GPC3: variants seen among roughly 807,000 people sequenced by gnomAD.
GPC3 encodes glypican-3.
Under a neutral mutation model 34.4 loss-of-function variants are expected in GPC3, and 3 were observed. The ratio of observed to expected loss-of-function variants is 0.09; its 90% CI spans 0.04 to 0.23. The LOEUF (loss-of-function observed/expected upper bound fraction) is 0.23, where lower values mean the gene tolerates loss of function less well. Ranked by LOEUF, GPC3 falls within the 10% of genes least tolerant of loss-of-function variation. The probability of loss-of-function intolerance (pLI) is 1.00; values close to 1 mark genes in which losing one functional copy is unlikely to be tolerated. For synonymous variants in GPC3, 177 were observed against 174.0 expected, an observed-to-expected ratio of 1.02 and a Z score of -0.13; for missense variants, 351 against 445.6, an observed-to-expected ratio of 0.79 and a Z score of 1.91.
chrX:133,651,517 C>T (rs1195889877), intron 6 of GPC3, among the ~76,000 whole-genome samples: 4 of 111,819 alleles, frequency 3.6e-5, no homozygotes, highest in African/African-American at 9.8e-5. Flanking sequence ...GTTTGTGAAT[C>T]TACATGTAAT....
chrX:133,705,577 C>T (rs938347621), intron 3 of GPC3, among the ~76,000 whole-genome samples: 7 of 112,181 alleles, frequency 6.2e-5, no homozygotes, highest in African/African-American at 2.3e-4. Flanking sequence ...AGAGCTGAGG[C>T]TTGAATGCTG....
chrX:133,854,061 C>T (rs1216318892), intron 2 of GPC3, among the ~76,000 whole-genome samples: 1 of 111,031 alleles, frequency 9.0e-6, no homozygotes, highest in Non-Finnish European at 1.9e-5. Context: ...TCTTTTTTCC[C>T]CCATATTTCT....
chrX:133,779,758 G>A (rs1411325457), intron 2 of GPC3, among the ~76,000 whole-genome samples: 1 of 109,650 alleles, frequency 9.1e-6, no homozygotes, highest in East Asian at 2.8e-4. Flanking sequence ...AAAAACAGAA[G>A]GTGGGTCATA....
chrX:133,795,535 T>G (rs962938378), intron 2 of GPC3, among the ~76,000 whole-genome samples: 1 of 111,520 alleles, frequency 9.0e-6, no homozygotes, highest in African/African-American at 3.3e-5. Flanking sequence ...TAAGATAGAT[T>G]GTCATGAAAA....
intron 5 of GPC3, among the ~76,000 whole-genome samples, chrX:133,687,381 GA>G (rs1451304201): frequency 9.3e-5 from 8 of 86,400 alleles, no homozygotes; most frequent in Non-Finnish European, 1.6e-4. Flanking sequence ...TGAATTATCA[GA>G]GTTTTTTTTT....
At chrX:133,750,466 A>G (rs2071655158) in intron 3 of GPC3, among the ~76,000 whole-genome samples, 1 of 111,748 alleles carries the variant, frequency 8.9e-6, no homozygotes, top group African/African-American at 3.3e-5. Context: ...CCTGAACTTT[A>G]TTTCTTCCTT....
At position 133,873,723 on chromosome X, in the gene GPC3, A is replaced by T. The variant is rs775877057; in HGVS notation, c.337+79327T>A. Among the ~76,000 whole-genome samples, 4 of 111,782 alleles carry T rather than the reference A, an allele frequency of 3.6e-5. No homozygotes were observed. In the South Asian group the frequency reaches 1.5e-3, roughly 43 times the overall value. On this transcript the variant is annotated intron_variant, in intron 2 of 7. Coordinates refer to ENST00000370818, the MANE Select transcript of GPC3 (RefSeq NM_004484.4). ...AGGGTGAACTGAATTTATTCACCAA[A>T]TCCTAATACAGTAAAGATAAGGACT...
chrX:133,810,627 T>C (rs1228523225), intron 2 of GPC3, among the ~76,000 whole-genome samples: 1 of 109,551 alleles, frequency 9.1e-6, no homozygotes, highest in Non-Finnish European at 1.9e-5. Flanking sequence ...GCCTGGCGCC[T>C]GGGTGCAGTG....
intron 1 of GPC3, among the ~76,000 whole-genome samples, chrX:133,962,421 C>A (rs186819704): frequency 8.9e-6 from 1 of 112,101 alleles, no homozygotes; most frequent in Admixed American, 9.4e-5. Context: ...GAGGTAATGT[C>A]AGAATTTCAA....
chrX:133,625,730 C>T (rs1437578038), intron 6 of GPC3, among the ~76,000 whole-genome samples: 1 of 111,710 alleles, frequency 9.0e-6, no homozygotes, highest in East Asian at 2.8e-4. Flanking sequence ...GTGAAAATGG[C>T]CATACTGCCC....
chrX:133,671,770 A>G (rs1422734885), intron 5 of GPC3, among the ~76,000 whole-genome samples: 3 of 111,305 alleles, frequency 2.7e-5, no homozygotes, highest in Non-Finnish European at 5.6e-5. Flanking sequence ...CTTGTCATTT[A>G]CATTAGGTAT....
Position 133,676,642 on chromosome X carries a change from C to T in GPC3, c.1293-14792G>A, listed in dbSNP as rs183838016. 1.4e-3 allele frequency among the ~76,000 whole-genome samples: 154 copies of T among 112,369 alleles called. No homozygotes were observed. In the South Asian group the frequency reaches 0.019, roughly 14 times the overall value. ...AAGTGGCCTATTGTGTGAGGCTGTACACATGGAGGTGCTAAGCAAACAAGA... is the reference window on the plus strand; with the variant it reads ...AAGTGGCCTATTGTGTGAGGCTGTATACATGGAGGTGCTAAGCAAACAAGA... On this transcript the variant is annotated intron_variant, in intron 5 of 7. Transcript: ENST00000370818.
At chrX:133,600,970 C>T (rs1002267111) in intron 6 of GPC3, among the ~76,000 whole-genome samples, 4 of 111,946 alleles carry the variant, frequency 3.6e-5, no homozygotes, top group African/African-American at 1.3e-4. Context: ...TGTAAACGAT[C>T]ATATTAAAAC....
At chrX:133,983,774 G>A (rs1203103121) in intron 1 of GPC3, among the ~76,000 whole-genome samples, 1 of 110,931 alleles carries the variant, frequency 9.0e-6, no homozygotes, top group African/African-American at 3.3e-5. Context: ...CAGTTCTGTG[G>A]AACTGATTCA....
In GPC3 at chrX:133,753,506, C is replaced by G. The variant is rs773421934; in HGVS notation, c.1008G>C (p.Lys336Asn). Residue 336 changes from lysine (K) to asparagine (N), a missense_variant, in exon 3 of 8, where the codon AAG (lysine) becomes AAC (asparagine). By Grantham distance (94) the Lys-to-Asn change is moderately conservative. Transcript: ENST00000370818. ...CAGTGGTGGTCAGCTTTCCTGCATT[C>G]TTCTGGACATACTGGATAGAATCAT... The part of the protein sequence containing the change: ...TIHDSIQYVQ[K>N]NAGKLTTTIG... 8.3e-7 allele frequency: 1 copy of G among 1,207,882 alleles called. No homozygotes were observed. Among genetic ancestry groups the G allele is most frequent in the Admixed American group, 2.2e-5 (1 of 45,702 alleles).
At chrX:133,622,906 A>C (rs2124360556) in intron 6 of GPC3, among the ~76,000 whole-genome samples, 1 of 112,221 alleles carries the variant, frequency 8.9e-6, no homozygotes, top group East Asian at 2.8e-4. Flanking sequence ...GGGCAGCCAG[A>C]GAGAAAGGTC....
chrX:133,703,653 T>G (rs1449260147), intron 3 of GPC3, among the ~76,000 whole-genome samples: 1 of 111,026 alleles, frequency 9.0e-6, no homozygotes, highest in Non-Finnish European at 1.9e-5. Context: ...GTAGAGACAG[T>G]GTTTCACCGT....
chrX:133,644,713 A>G (rs1397095975), intron 6 of GPC3, among the ~76,000 whole-genome samples: 2 of 112,101 alleles, frequency 1.8e-5, no homozygotes, highest in Non-Finnish European at 1.9e-5. Flanking sequence ...TAATGTAAAT[A>G]AAACATTTAT....
At chrX:133,837,831 T>G (rs182361081) in intron 2 of GPC3, among the ~76,000 whole-genome samples, 1 of 112,639 alleles carries the variant, frequency 8.9e-6, no homozygotes, top group Admixed American at 9.4e-5. Flanking sequence ...TCAGAATAAC[T>G]AATTCATTGT....
Sources: allele counts gnomAD v4.1 joint callset (sites outside exome capture counted in the v4.1 genomes callset), GRCh38; gene constraint gnomAD v4.1.1; transcripts MANE v1.5; gene names NCBI Gene and HGNC (gene_info 2026-07-23, HGNC 2026-07-21).